GRM5: variants seen among roughly 807,000 people sequenced by gnomAD.
The protein encoded by GRM5 is glutamate metabotropic receptor 5.
Under a neutral mutation model 83.1 loss-of-function variants are expected in GRM5, and 19 were observed. The ratio of observed to expected loss-of-function variants is 0.23; its 90% CI spans 0.16 to 0.34. GRM5 has a LOEUF of 0.34. GRM5 is among the 10% of genes least tolerant of loss of function. The pLI, the probability that GRM5 is intolerant of heterozygous loss-of-function variation, is 1.00. For synonymous variants in GRM5, 675 were observed against 633.6 expected (o/e 1.07, Z -0.98); for missense variants, 1,160 against 1,588.3 (o/e 0.73, Z 4.58).
chr11:88,623,463 T>A (rs1938700860), intron 4 of GRM5, among the ~76,000 whole-genome samples: 1 of 152,152 alleles, frequency 6.6e-6, no homozygotes, highest in South Asian at 2.1e-4. Flanking sequence ...ATTATCAAAT[T>A]AAGCTATAGA....
At chr11:88,522,584 T>TCG (rs1941726985) in intron 9 of GRM5, among the ~76,000 whole-genome samples, 1 of 137,142 alleles carries the variant, frequency 7.3e-6, no homozygotes, top group Non-Finnish European at 1.6e-5. Flanking sequence ...TCTCTCTCTC[T>TCG]CTCGCTCTCT....
At chr11:88,999,315 G>C (rs1940293025) in intron 2 of GRM5, among the ~76,000 whole-genome samples, 1 of 151,940 alleles carries the variant, frequency 6.6e-6, no homozygotes, top group Non-Finnish European at 1.5e-5. Flanking sequence ...TACAGAATGG[G>C]AGAAAATTTT....
intron 2 of GRM5, among the ~76,000 whole-genome samples, chr11:88,940,122 G>C (rs1590981257): frequency 1.3e-5 from 2 of 151,854 alleles, no homozygotes; most frequent in Middle Eastern, 6.8e-3. Flanking sequence ...AATTAAATAC[G>C]CCTGCCCAAA....
chr11:89,050,321 A>G (rs2135155120), intron 1 of GRM5, among the ~76,000 whole-genome samples: 1 of 152,318 alleles, frequency 6.6e-6, no homozygotes, highest in Non-Finnish European at 1.5e-5. Flanking sequence ...TGCCCCATCT[A>G]TTCATTAACT....
intron 3 of GRM5, among the ~76,000 whole-genome samples, chr11:88,671,147 CAACAAGA>C (rs1003814419): frequency 1.3e-5 from 2 of 151,580 alleles, no homozygotes; most frequent in African/African-American, 4.8e-5. Context: ...ACATCTCCAA[CAACAAGA>C]AACATTCCAA....
chr11:88,585,100 T>C (rs1943286940), intron 7 of GRM5, among the ~76,000 whole-genome samples: 2 of 152,346 alleles, frequency 1.3e-5, no homozygotes, highest in Admixed American at 6.5e-5. Flanking sequence ...CAGAGGAGTC[T>C]GAAGGAACAG....
chr11:88,717,088 G>A (rs10765709), intron 3 of GRM5, among the ~76,000 whole-genome samples: 148,354 of 152,000 alleles, frequency 0.98, 72,510 homozygotes, highest in East Asian at 1. Context: ...GCAAAGCTAA[G>A]GAATGCAACT....
chr11:88,855,234 A>T (rs1944453425), intron 2 of GRM5, among the ~76,000 whole-genome samples: 1 of 151,772 alleles, frequency 6.6e-6, no homozygotes, highest in Non-Finnish European at 1.5e-5. Flanking sequence ...AGAAGCTTGT[A>T]TACTATTTTA....
rs1405339448 is a variant in GRM5, at chr11:88,570,571, A to ATATTTTT, written c.1691-2580_1691-2579insAAAAATA. 4.5e-4 allele frequency among the ~76,000 whole-genome samples: 21 copies of ATATTTTT among 46,382 alleles called. 1 individual carries two copies. Among genetic ancestry groups the ATATTTTT allele is most frequent in the African/African-American group, 2.0e-3 (15 of 7,492 alleles). 30.4% of individuals were successfully genotyped at this position (46,382 alleles called of 152,430 possible). A position where few individuals can be genotyped will look rare whatever the true frequency, so the allele number is the denominator to read the frequency against. On this transcript the variant is annotated intron_variant, in intron 7 of 9. Transcript: ENST00000305447. ...TAATAATATATATATATATATATAT[A>ATATTTTT]TTTTTTTTTTTTTTTTTTTTTTTTT... is the stretch of plus-strand genomic sequence containing the variant.
At chr11:88,546,903 T>A (rs1208976873) in intron 8 of GRM5, among the ~76,000 whole-genome samples, 1 of 152,080 alleles carries the variant, frequency 6.6e-6, no homozygotes, top group Non-Finnish European at 1.5e-5. Context: ...CTATGAGGAA[T>A]TGCCAGTAGT....
chr11:88,521,371 C>T (rs766849508), intron 9 of GRM5, among the ~76,000 whole-genome samples: 2 of 152,094 alleles, frequency 1.3e-5, no homozygotes, highest in East Asian at 1.9e-4. Context: ...GAGCCAAGAT[C>T]GCACCATTGC....
At chr11:88,922,724 AAG>A (rs1945713548) in intron 2 of GRM5, among the ~76,000 whole-genome samples, 1 of 152,138 alleles carries the variant, frequency 6.6e-6, no homozygotes, top group African/African-American at 2.4e-5. Flanking sequence ...AACATGGACA[AAG>A]GGGATCATAT....
intron 3 of GRM5, among the ~76,000 whole-genome samples, chr11:88,731,802 G>T (rs529515077): frequency 6.6e-6 from 1 of 151,822 alleles, no homozygotes; most frequent in Non-Finnish European, 1.5e-5. Flanking sequence ...CATCCATTTT[G>T]TTCATCCTAG....
At chr11:88,599,988 G>T (rs1006956534) in intron 5 of GRM5, among the ~76,000 whole-genome samples, 2 of 152,182 alleles carry the variant, frequency 1.3e-5, no homozygotes, top group Non-Finnish European at 2.9e-5. Context: ...ACTCCAGCCT[G>T]GGTGACAGAG....
At chr11:88,652,720 T>C (rs1011208761) in intron 4 of GRM5, among the ~76,000 whole-genome samples, 2 of 152,092 alleles carry the variant, frequency 1.3e-5, no homozygotes, top group African/African-American at 2.4e-5. Context: ...GGTTTATTGA[T>C]GGAAGTAGCA....
At chr11:88,869,766 A>G (rs1944731915) in intron 2 of GRM5, among the ~76,000 whole-genome samples, 2 of 151,544 alleles carry the variant, frequency 1.3e-5, no homozygotes, top group Admixed American at 6.6e-5. Flanking sequence ...GTCATTAGTC[A>G]TGGTTCCAAC....
chr11:88,954,567 G>A (rs1938552418), intron 2 of GRM5, among the ~76,000 whole-genome samples: 1 of 152,128 alleles, frequency 6.6e-6, no homozygotes, highest in Admixed American at 6.5e-5. Context: ...TGATAGAAAT[G>A]GTCTATAAAT....
intron 2 of GRM5, among the ~76,000 whole-genome samples, chr11:88,976,050 G>C (rs1939325963): frequency 6.6e-6 from 1 of 152,158 alleles, no homozygotes; most frequent in Non-Finnish European, 1.5e-5. Flanking sequence ...TTGTGAAATT[G>C]CTTATTTGTT....
At chr11:88,811,196 C>G (rs1267946850) in intron 3 of GRM5, among the ~76,000 whole-genome samples, 1 of 151,936 alleles carries the variant, frequency 6.6e-6, no homozygotes, top group Non-Finnish European at 1.5e-5. Context: ...TACGTGTTTC[C>G]AGCAGGACAG....
Sources: allele counts gnomAD v4.1 joint callset (sites outside exome capture counted in the v4.1 genomes callset), GRCh38; gene constraint gnomAD v4.1.1; transcripts MANE v1.5; gene names NCBI Gene and HGNC (gene_info 2026-07-23, HGNC 2026-07-21).